The following PPARGC1B variants were observed in gnomAD, a reference collection of about 807,000 sequenced individuals.
The protein encoded by PPARGC1B is peroxisome proliferator-activated receptor gamma coactivator 1-beta.
Under a neutral mutation model 101.6 loss-of-function variants are expected in PPARGC1B, and 34 were observed. The ratio of observed to expected loss-of-function variants is 0.33; its 90% CI spans 0.25 to 0.45. The LOEUF (loss-of-function observed/expected upper bound fraction) is 0.45, where lower values mean the gene tolerates loss of function less well. Ranked by LOEUF, PPARGC1B falls within the 20% of genes least tolerant of loss-of-function variation. PPARGC1B has a pLI of 1.00. For synonymous variants in PPARGC1B, 548 were observed against 539.3 expected, an observed-to-expected ratio of 1.02 and a Z score of -0.22; for missense variants, 1,234 against 1,317.6, an observed-to-expected ratio of 0.94 and a Z score of 0.98.
chr5:149,842,134 G>T, intron 9 of PPARGC1B, 122 bp from the exon 10 acceptor site: 4 of 1,245,114 alleles, frequency 3.2e-6, no homozygotes, highest in Non-Finnish European at 3.3e-6. Context: ...GACTCCAGCC[G>T]GTATTGCTCA....
In PPARGC1B at chr5:149,830,873, C is replaced by T; in HGVS notation, c.572C>T (p.Pro191Leu). ...QAGLRSKSQR[P>L]CVKADSTQDK... is the part of the protein sequence containing the mutation. ...GGCCTCAGATCTAAAAGTCAACGGC[C>T]TTGTGTTAAGGTATTTCTTCACATG... is the stretch of plus-strand genomic sequence containing the variant. Residue 191 changes from proline to leucine, a missense_variant, in exon 4 of 12, where the codon CCT becomes CTT. Physicochemically the swap from Pro to Leu is moderately conservative, Grantham distance 98. Transcript: ENST00000309241. The T allele has an allele frequency of 2.5e-6, 4 of 1,611,582 alleles. No individual in the cohort carries two copies. The highest frequency in any genetic ancestry group is 1.3e-5 in the African/African-American group (1 of 75,000).
At chr5:149,755,067 A>ATG (rs1425815828) in intron 1 of PPARGC1B, among the ~76,000 whole-genome samples, 5 of 140,894 alleles carry the variant, frequency 3.5e-5, no homozygotes, top group Non-Finnish European at 7.6e-5. Flanking sequence ...ATATATATAT[A>ATG]TATATAATTT....
intron 1 of PPARGC1B, among the ~76,000 whole-genome samples, chr5:149,809,011 C>T (rs1202508339): frequency 4.6e-5 from 7 of 152,050 alleles, no homozygotes; most frequent in Admixed American, 6.6e-5. Context: ...CATGGTGGCT[C>T]ATGCCTATAA....
intron 1 of PPARGC1B, among the ~76,000 whole-genome samples, chr5:149,802,003 C>T (rs1050499674): frequency 2.6e-5 from 4 of 152,240 alleles, no homozygotes; most frequent in Admixed American, 6.5e-5. Flanking sequence ...TACTGAGACC[C>T]GGAGAAGTTA....
intron 1 of PPARGC1B, chr5:149,772,106 C>T (rs750535582): frequency 4.2e-5 from 67 of 1,589,682 alleles, no homozygotes; most frequent in Non-Finnish European, 5.5e-5. Flanking sequence ...GGGGCTGCCC[C>T]AGGACCCTTG....
chr5:149,801,940 GC>G lies in PPARGC1B; in HGVS notation c.79-18490del, dbSNP rs551113949. On this transcript the variant is annotated intron_variant, in intron 1 of 11. Coordinates refer to ENST00000309241, the MANE Select transcript of PPARGC1B (RefSeq NM_133263.4). ...TACTTTGCACTAGACACTATGTGAA[GC>G]CCTTCTCGTTAATCCTCATAAGAAC... 3.7e-3 allele frequency among the ~76,000 whole-genome samples: 562 copies of G among 152,272 alleles called. 6 individuals carry two copies. The highest frequency in any genetic ancestry group is 0.013 in the African/African-American group (541 of 41,556).
chr5:149,818,699 T>G, intron 1 of PPARGC1B: 1 of 379,764 alleles, frequency 2.6e-6, no homozygotes, highest in Non-Finnish European at 5.2e-6. Context: ...TTTTGTTCTC[T>G]GAGAAGTTCC....
At chr5:149,738,386 T>G (rs367856780) in intron 1 of PPARGC1B, among the ~76,000 whole-genome samples, 20 of 152,200 alleles carry the variant, frequency 1.3e-4, no homozygotes, top group African/African-American at 4.6e-4. Flanking sequence ...TAATCAATCC[T>G]CATTGAGTGA....
At chr5:149,781,849 C>T (rs930556923) in intron 1 of PPARGC1B, among the ~76,000 whole-genome samples, 1 of 152,170 alleles carries the variant, frequency 6.6e-6, no homozygotes, top group Non-Finnish European at 1.5e-5. Flanking sequence ...TTTACCCATA[C>T]AATGACAGCT....
rs1360005539 is a variant in PPARGC1B, at chr5:149,755,052, C to CATATACAT, written c.78+24637_78+24638insCATATATA. 3.7e-3 allele frequency among the ~76,000 whole-genome samples: 406 copies of CATATACAT among 108,940 alleles called. 7 individuals carry two copies. The highest frequency in any genetic ancestry group is 0.014 in the African/African-American group (383 of 26,602). 71.5% of individuals were successfully genotyped at this position (108,940 alleles called of 152,430 possible). On this transcript the variant is annotated intron_variant, in intron 1 of 11. Transcript: ENST00000309241. ...TACACTACATATACATATACATATA[C>CATATACAT]ATATATATATATATATATATAATTT...
At chr5:149,839,545 A>G (rs767247855) in intron 8 of PPARGC1B, among the ~76,000 whole-genome samples, 13 of 152,214 alleles carry the variant, frequency 8.5e-5, no homozygotes, top group Non-Finnish European at 1.5e-4. Context: ...TGGCTGAGGC[A>G]TGAACCCAAA....
In PPARGC1B at chr5:149,768,334, G is replaced by T. The variant is rs570508874; in HGVS notation, c.78+37914G>T. 3.6e-4 allele frequency among the ~76,000 whole-genome samples: 55 copies of T among 152,200 alleles called. 1 individual carries two copies. In the Middle Eastern group the frequency reaches 0.014, roughly 38 times the overall value. On this transcript the variant is annotated intron_variant, in intron 1 of 11. Coordinates refer to ENST00000309241, the MANE Select transcript of PPARGC1B (RefSeq NM_133263.4). ...CTGTCAGCCAGGCTGGAGTATAGTG[G>T]TGTGATCTTGGCTCACTACAACCTC...
chr5:149,821,879 T>C (rs1758317154), intron 2 of PPARGC1B, among the ~76,000 whole-genome samples: 1 of 152,130 alleles, frequency 6.6e-6, no homozygotes, highest in Non-Finnish European at 1.5e-5. Flanking sequence ...AGTTGTGTAC[T>C]CCTAATAATC....
At chr5:149,823,476 C>T (rs924133540) in intron 2 of PPARGC1B, among the ~76,000 whole-genome samples, 2 of 152,158 alleles carry the variant, frequency 1.3e-5, no homozygotes, top group Non-Finnish European at 2.9e-5. Context: ...AGCCTTTTCC[C>T]TCAGATTTCT....
chr5:149,828,193 C>G (rs960167606), intron 3 of PPARGC1B, among the ~76,000 whole-genome samples: 1 of 152,208 alleles, frequency 6.6e-6, no homozygotes, highest in East Asian at 1.9e-4. Flanking sequence ...CCCAAAGCAG[C>G]GTGAAGCACC....
In PPARGC1B at chr5:149,730,971, A is replaced by T. The variant is rs1232293436; in HGVS notation, c.78+551A>T. 6.6e-6 allele frequency among the ~76,000 whole-genome samples: 1 copy of T among 152,194 alleles called. No homozygotes were observed. Among genetic ancestry groups the T allele is most frequent in the African/African-American group, 2.4e-5 (1 of 41,466 alleles). On this transcript the variant is annotated intron_variant, in intron 1 of 11. Coordinates refer to ENST00000309241, the MANE Select transcript of PPARGC1B (RefSeq NM_133263.4). This position sits in a 1 kb window ranked among gnomAD's most constrained non-coding sequence, Gnocchi z 4.0. ...CTGCCAGTTGCCGGCTAAAGGCATA[A>T]GGGTCTGCGGGGCACGTGGACATGC...
At chr5:149,823,746 C>T (rs1217730131) in intron 2 of PPARGC1B, among the ~76,000 whole-genome samples, 1 of 152,124 alleles carries the variant, frequency 6.6e-6, no homozygotes, top group African/African-American at 2.4e-5. Context: ...AGCTTCCTGC[C>T]CCACCTGGCT....
chr5:149,855,599 G>C (rs1759928881), downstream of PPARGC1B, among the ~76,000 whole-genome samples: 1 of 152,214 alleles, frequency 6.6e-6, no homozygotes, highest in Non-Finnish European at 1.5e-5. Flanking sequence ...TGCGGTAATT[G>C]AATGAGCTCA....
Position 149,809,426 on chromosome 5 carries a change from A to AGATAGATAGATAGATC in PPARGC1B, c.79-11004_79-11003insAGATAGATAGATCGAT, listed in dbSNP as rs1169203223. Among the ~76,000 whole-genome samples the AGATAGATAGATAGATC allele has an allele frequency of 9.1e-5, 13 of 142,722 alleles. 1 individual carries two copies. The highest frequency in any genetic ancestry group is 3.6e-3 in the Middle Eastern group (1 of 274). 93.6% of individuals were successfully genotyped at this position (142,722 alleles called of 152,430 possible). The stretch of plus-strand genomic sequence containing the variant: ...ACCATAGATAGATAGATAGATAGAT[A>AGATAGATAGATAGATC]GATCCATCTCTACCATAGATAGATA... On this transcript the variant is annotated intron_variant, in intron 1 of 11. Transcript: ENST00000309241.
Sources: gnomAD v4.1 joint callset for allele counts (sites outside exome capture counted in the v4.1 genomes callset) on GRCh38, gnomAD v4.1.1 for gene constraint, Gnocchi (gnomAD v3.1) non-coding constraint, MANE v1.5 for transcripts, NCBI Gene and HGNC (gene_info 2026-07-23, HGNC 2026-07-21) for gene names.